Variants in SMAD4 observed in about 807,000 individuals in gnomAD.
The protein encoded by SMAD4 is MAD homolog 4.
Under a neutral mutation model 63.2 loss-of-function variants are expected in SMAD4, and 7 were observed. That is an observed-to-expected ratio of 0.11 (90% CI 0.06 to 0.21). The LOEUF is 0.21. SMAD4 is among the 10% of genes least tolerant of loss of function. The pLI is 1.00. For missense variants in SMAD4, 312 were observed against 693.8 expected (o/e 0.45, Z 6.18); for synonymous variants, 215 against 235.4 (o/e 0.91, Z 0.79).
chr18:51,044,103 A>C (rs1456301550), intron 1 of SMAD4, among the ~76,000 whole-genome samples: 1 of 152,206 alleles, frequency 6.6e-6, no homozygotes, highest in African/African-American at 2.4e-5. Context: ...TTGTAATCGT[A>C]ATTGTTAAAT....
intron 7 of SMAD4, among the ~76,000 whole-genome samples, chr18:51,058,855 A>G (rs1909924664): frequency 6.6e-6 from 1 of 152,170 alleles, no homozygotes; most frequent in Admixed American, 6.5e-5. Context: ...ATAATGTTGA[A>G]TCTATAGATA....
chr18:51,033,250 C>T (rs1034452175), intron 1 of SMAD4, among the ~76,000 whole-genome samples: 17 of 135,164 alleles, frequency 1.3e-4, no homozygotes, highest in African/African-American at 4.2e-4. Context: ...AGTGCAGAGG[C>T]GCGATCTCCA....
At chr18:51,038,432 T>A (rs538126195) in intron 1 of SMAD4, among the ~76,000 whole-genome samples, 2 of 152,364 alleles carry the variant, frequency 1.3e-5, no homozygotes, top group South Asian at 4.1e-4. Context: ...AGTTCACTGA[T>A]ACAGTGAATT....
intron 4 of SMAD4, among the ~76,000 whole-genome samples, chr18:51,050,723 T>C (rs1032852104): frequency 1.3e-5 from 2 of 152,022 alleles, no homozygotes; most frequent in East Asian, 3.8e-4. Flanking sequence ...GGAGGGCAGT[T>C]AGTAGTAGTT....
At position 51,083,886 on chromosome 18, in the gene SMAD4, T is replaced by C. The variant is rs146551171; in HGVS notation, c.*5419T>C. The C allele has an allele frequency of 4.3e-3, 992 of 231,612 alleles. 16 individuals are homozygous for C. The highest frequency in any genetic ancestry group is 0.037 in the East Asian group (605 of 16,418). 14.3% of individuals were successfully genotyped at this position (231,612 alleles called of 1,614,324 possible). On this transcript the variant is annotated 3_prime_UTR_variant, in exon 12 of 12. Transcript: ENST00000342988. ...TATTCAAAGGAGACTAGGCTTGATA[T>C]TTTATTACTGTTCTTTTATGGACAA...
intron 8 of SMAD4, among the ~76,000 whole-genome samples, chr18:51,063,046 G>C (rs1356457324): frequency 1.3e-5 from 2 of 151,296 alleles, no homozygotes; most frequent in African/African-American, 4.9e-5. Context: ...TAGAGACGGG[G>C]TTTCACTATG....
intron 8 of SMAD4, among the ~76,000 whole-genome samples, chr18:51,062,998 C>T (rs113698816): frequency 0.017 from 2,511 of 151,228 alleles, 75 homozygotes; most frequent in African/African-American, 0.055. Flanking sequence ...GGACTATAGG[C>T]GCCCGCCACC....
At chr18:51,074,013 CTG>C (rs1233554502) in intron 10 of SMAD4, among the ~76,000 whole-genome samples, 1 of 151,970 alleles carries the variant, frequency 6.6e-6, no homozygotes, top group Non-Finnish European at 1.5e-5. Flanking sequence ...TAGTAAAGGA[CTG>C]TTATCCAAAA....
At position 51,069,214 on chromosome 18, in the gene SMAD4, T is replaced by G. The variant is rs184533066; in HGVS notation, c.1308+2027T>G. 1.6e-3 allele frequency among the ~76,000 whole-genome samples: 238 copies of G among 152,258 alleles called. 7 individuals carry two copies. The South Asian group carries it at 0.028, about 18-fold the overall frequency. ...TCACTGCAACCTCTGCTTCCAGGGT[T>G]TAAGTGATTCTCATGCCTTAGCCTC... On this transcript the variant is annotated intron_variant, in intron 10 of 11. Coordinates refer to ENST00000342988, the MANE Select transcript of SMAD4 (RefSeq NM_005359.6).
chr18:51,061,222 A>G (rs760794336), intron 8 of SMAD4, among the ~76,000 whole-genome samples: 18 of 152,086 alleles, frequency 1.2e-4, no homozygotes, highest in Non-Finnish European at 2.2e-4. Flanking sequence ...TACAATCTAT[A>G]CTCTGTTAGT....
At chr18:51,070,275 G>A (rs1363238887) in intron 10 of SMAD4, among the ~76,000 whole-genome samples, 1 of 152,128 alleles carries the variant, frequency 6.6e-6, no homozygotes, top group African/African-American at 2.4e-5. Context: ...ATGTCAAATA[G>A]ATACATTGTG....
chr18:51,075,561 C>A (rs1910451020), intron 10 of SMAD4, among the ~76,000 whole-genome samples: 1 of 152,110 alleles, frequency 6.6e-6, no homozygotes, highest in Non-Finnish European at 1.5e-5. Flanking sequence ...TTTGTGTAAT[C>A]TTCCAATGCT....
intron 7 of SMAD4, among the ~76,000 whole-genome samples, chr18:51,058,940 A>G (rs1909927691): frequency 6.6e-6 from 1 of 152,226 alleles, no homozygotes; most frequent in Non-Finnish European, 1.5e-5. Context: ...AGCATTGTTC[A>G]TATGGCTTAG....
intron 9 of SMAD4, among the ~76,000 whole-genome samples, chr18:51,065,917 T>C (rs996351129): frequency 6.6e-6 from 1 of 152,188 alleles, no homozygotes; most frequent in African/African-American, 2.4e-5. Flanking sequence ...TACAAATTAC[T>C]GAAAGGAAGT....
At chr18:51,067,257 G>T in intron 10 of SMAD4, 70 bp downstream of exon 10, 1 of 864,396 alleles carries the variant, frequency 1.2e-6, no homozygotes, top group South Asian at 1.5e-5. Flanking sequence ...TTGAAATCTG[G>T]GTGGAAGGAA....
At chr18:51,041,470 G>A (rs1909380397) in intron 1 of SMAD4, among the ~76,000 whole-genome samples, 1 of 152,132 alleles carries the variant, frequency 6.6e-6, no homozygotes, top group South Asian at 2.1e-4. Context: ...AATTTATTTT[G>A]CGTGTTGTCC....
chr18:51,073,092 A>G (rs750544306), intron 10 of SMAD4, among the ~76,000 whole-genome samples: 10 of 152,000 alleles, frequency 6.6e-5, no homozygotes, highest in Admixed American at 2.0e-4. Context: ...GAGGTGCCCA[A>G]TGAATCATTT....
At position 51,078,341 on chromosome 18, in the gene SMAD4, G is replaced by T. The variant is rs1057523968; in HGVS notation, c.1533G>T (p.Pro511=). Residue 511 remains proline (P), a synonymous_variant, in exon 12 of 12, where the codon CCG becomes CCT. Transcript: ENST00000342988. ...LRMSFVKGWG[P]DYPRQSIKET... ...TGAGTTTTGTGAAAGGCTGGGGACC[G>T]GATTACCCAAGACAGAGCATCAAAG... The T allele has an allele frequency of 6.2e-7, 1 of 1,614,120 alleles. No homozygotes were observed.
intron 10 of SMAD4, among the ~76,000 whole-genome samples, chr18:51,071,295 C>CACAT (rs1910309599): frequency 1.3e-5 from 2 of 152,126 alleles, no homozygotes; most frequent in Admixed American, 6.5e-5. Flanking sequence ...CACACACACA[C>CACAT]ACATTCCCCT....
Sources: allele counts gnomAD v4.1 joint callset (sites outside exome capture counted in the v4.1 genomes callset), GRCh38; gene constraint gnomAD v4.1.1; transcripts MANE v1.5; gene names NCBI Gene and HGNC (gene_info 2026-07-23, HGNC 2026-07-21).